Variants in RAB35 observed in about 807,000 individuals in gnomAD.
RAB35 encodes RAB35, member RAS oncogene family, also known as ras-related protein Rab-35.
RAB35 carries 4 observed loss-of-function variants against 28.9 expected under a neutral mutation model. The observed-to-expected ratio is 0.14, with a 90% CI of 0.07 to 0.32. The LOEUF is 0.32. Among genes scored for constraint, RAB35 ranks in the 10% least tolerant of loss-of-function variants. The probability of loss-of-function intolerance (pLI) is 1.00; values close to 1 mark genes in which losing one functional copy is unlikely to be tolerated. For missense variants in RAB35, 128 were observed against 274.0 expected (o/e 0.47, Z 3.76); for synonymous variants, 99 against 105.1 (o/e 0.94, Z 0.35).
chr12:120,113,745 G>T (rs1216399338), intron 1 of RAB35, among the ~76,000 whole-genome samples: 1 of 151,884 alleles, frequency 6.6e-6, no homozygotes, highest in Non-Finnish European at 1.5e-5. Context: ...GTGAACCGGG[G>T]AGGTGGAGCC....
In RAB35 at chr12:120,096,341, CA is replaced by C; in HGVS notation, c.*903del. 9.0e-7 allele frequency: 1 copy of C among 1,108,350 alleles called. No homozygotes were observed. The allele number at this position is 1,108,350 out of a possible 1,614,324, so 68.7% of individuals were successfully genotyped here. On this transcript the variant is annotated 3_prime_UTR_variant, in exon 6 of 6. Coordinates refer to ENST00000229340, the MANE Select transcript of RAB35 (RefSeq NM_006861.7). ...GTGGCCTCAACTTTTGCTGCTGTGC[CA>C]ATCAAACCTCAGGGAAAGAAAATAA...
intron 1 of RAB35, 80 bp downstream of exon 1, chr12:120,116,519 C>G (rs1366924638): frequency 1.1e-6 from 1 of 927,582 alleles, no homozygotes; most frequent in Admixed American, 6.4e-5. Flanking sequence ...CCGGCACCTC[C>G]CCGCCCGCCT....
Position 120,097,308 on chromosome 12 carries a change from C to T in RAB35, c.543G>A (p.Gln181=), listed in dbSNP as rs1875459974. 1.2e-6 allele frequency: 2 copies of T among 1,613,838 alleles called. No homozygotes were observed. The highest frequency in any genetic ancestry group is 1.7e-5 in the Admixed American group (1 of 60,018). ...GCTTCACCACATCGTTCTGTTGTTG[C>T]TGCTGCTGTTTTGCCAGGTTGTCTT... The part of the protein sequence containing the change: ...AKKDNLAKQQ[Q]QQQNDVVKLT... The change falls in exon 6 of 6, where the codon CAG becomes CAA. Residue 181 remains glutamine (Q), a synonymous_variant. Coordinates refer to ENST00000229340, the MANE Select transcript of RAB35 (RefSeq NM_006861.7).
At chr12:120,107,667 G>A (rs1212658472) in intron 2 of RAB35, among the ~76,000 whole-genome samples, 2 of 151,962 alleles carry the variant, frequency 1.3e-5, no homozygotes, top group Non-Finnish European at 2.9e-5. Flanking sequence ...AGACGTTCGA[G>A]ACCAGCCTGA....
intron 3 of RAB35, 104 bp from the exon 4 acceptor site, chr12:120,099,258 G>C: frequency 6.7e-7 from 1 of 1,484,768 alleles, no homozygotes; most frequent in Non-Finnish European, 9.1e-7. Flanking sequence ...AAAGGTGAGG[G>C]TGGCCCTGGA....
At chr12:120,113,252 G>A (rs1876194589) in intron 1 of RAB35, among the ~76,000 whole-genome samples, 1 of 144,508 alleles carries the variant, frequency 6.9e-6, no homozygotes, top group African/African-American at 2.6e-5. Flanking sequence ...TCTCACTATG[G>A]TCTCGAGTTC....
chr12:120,105,839 C>A (rs898960837), intron 2 of RAB35, among the ~76,000 whole-genome samples: 8 of 151,048 alleles, frequency 5.3e-5, no homozygotes, highest in South Asian at 4.2e-4. Flanking sequence ...ATGGCGTGAA[C>A]CCGGGAGGCG....
In RAB35 at chr12:120,099,004, C is replaced by T. The variant is rs537374812; in HGVS notation, c.352+26G>A. Reference sequence around the variant, plus strand: ...CGGCTGCCTCTCTCCCACCCAACCCCGACCCGGCCCTGAGTGCAGCCTCAC... The same window carrying T: ...CGGCTGCCTCTCTCCCACCCAACCCTGACCCGGCCCTGAGTGCAGCCTCAC... On this transcript the variant is annotated intron_variant, in intron 4 of 5. Transcript: ENST00000229340. The T allele has an allele frequency of 2.5e-5, 41 of 1,614,148 alleles. No individual in the cohort carries two copies. The East Asian group carries it at 6.0e-4, about 24-fold the overall frequency.
rs1424981083 is a variant in RAB35 at position 120,096,771 on chromosome 12, G to A, written c.*474C>T. 7.7e-7 allele frequency: 1 copy of A among 1,290,330 alleles called. No homozygotes were observed. The highest frequency in any genetic ancestry group is 1.5e-5 in the African/African-American group (1 of 65,922). The allele number at this position is 1,290,330 out of a possible 1,614,324, so 79.9% of individuals were successfully genotyped here. A position where few individuals can be genotyped will look rare whatever the true frequency, so the allele number is the denominator to read the frequency against. On this transcript the variant is annotated 3_prime_UTR_variant, in exon 6 of 6. Coordinates refer to ENST00000229340, the MANE Select transcript of RAB35 (RefSeq NM_006861.7). ...TGTCGGAGAGAATGAGCAACGCGGA[G>A]CCCACTCCACTGGCACGGGCTGGCC...
chr12:120,099,279 T>C, intron 3 of RAB35, 125 bp from the exon 4 acceptor site: 1 of 1,266,046 alleles, frequency 7.9e-7, no homozygotes, highest in Non-Finnish European at 1.1e-6. Flanking sequence ...GCCTGGGCTC[T>C]CACTCAGCCT....
chr12:120,108,626 C>T, intron 1 of RAB35, 159 bp from the exon 2 acceptor site: 1 of 724,764 alleles, frequency 1.4e-6, no homozygotes, highest in Non-Finnish European at 2.5e-6. Flanking sequence ...TGAGCGGCCA[C>T]ACACCAAGAA....
At position 120,104,011 on chromosome 12, in the gene RAB35, G is replaced by A. The variant is rs565909714; in HGVS notation, c.104-62C>T. 206 of 1,590,882 alleles carry A rather than the reference G, an allele frequency of 1.3e-4. 1 individual carries two copies. The South Asian group carries it at 1.9e-3, about 15-fold the overall frequency. ...TATCTTCCCAGGCCCTGAGCCCCAC[G>A]CTGCACACAACACACCCCCAGGCTC... On this transcript the variant is annotated intron_variant, in intron 2 of 5. Transcript: ENST00000229340.
chr12:120,097,862 T>C (rs916712075), intron 5 of RAB35, among the ~76,000 whole-genome samples: 1 of 151,802 alleles, frequency 6.6e-6, no homozygotes, highest in Admixed American at 6.6e-5. Context: ...GACCAACCCC[T>C]TTCCTTCAGC....
In RAB35 at chr12:120,099,158, C is replaced by T. The variant is rs376246695; in HGVS notation, c.228-4G>A. 6.3e-5 allele frequency: 102 copies of T among 1,614,072 alleles called. No individual in the cohort carries two copies. Among genetic ancestry groups the T allele is most frequent in the Non-Finnish European group, 8.4e-5 (99 of 1,180,034 alleles). ...CCCGTGGGTCCCCCGATAATACCTG[C>T]AGGGCCAGAGTGTGCGGCAGCATGT... is the stretch of plus-strand genomic sequence containing the variant. On this transcript the variant is annotated splice_polypyrimidine_tract_variant and splice_region_variant and intron_variant, in intron 3 of 5. Coordinates refer to ENST00000229340, the MANE Select transcript of RAB35 (RefSeq NM_006861.7).
intron 3 of RAB35, chr12:120,099,499 T>C (rs1054802378): frequency 2.9e-6 from 1 of 340,052 alleles, no homozygotes; most frequent in African/African-American, 2.1e-5. Flanking sequence ...ATCAGGCAGT[T>C]TTTGTATTTG....
intron 2 of RAB35, among the ~76,000 whole-genome samples, chr12:120,106,244 A>G (rs1291215798): frequency 1.3e-5 from 2 of 152,206 alleles, no homozygotes; most frequent in East Asian, 1.9e-4. Context: ...ATTTTTTAGC[A>G]TAATTAGAGG....
chr12:120,108,028 A>C (rs528232983), intron 2 of RAB35, among the ~76,000 whole-genome samples: 25 of 152,264 alleles, frequency 1.6e-4, no homozygotes, highest in Non-Finnish European at 3.2e-4. Context: ...CAGATGAACC[A>C]CAAAGGCCTG....
rs368736364 is a variant in RAB35, at chr12:120,108,383, C to T, written c.103+34G>A. The stretch of plus-strand genomic sequence containing the variant: ...GGGGATGTCAACAAACAAACAAAAA[C>T]GACACCCCAGCAGCACTGCAGGGGA... On this transcript the variant is annotated intron_variant, in intron 2 of 5. Coordinates refer to ENST00000229340, the MANE Select transcript of RAB35 (RefSeq NM_006861.7). 141 of 1,595,804 alleles carry T rather than the reference C, an allele frequency of 8.8e-5. 1 individual carries two copies. The highest frequency in any genetic ancestry group is 6.5e-4 in the South Asian group (59 of 90,548).
intron 2 of RAB35, among the ~76,000 whole-genome samples, chr12:120,107,398 C>T (rs560308572): frequency 8.1e-4 from 124 of 152,316 alleles, no homozygotes; most frequent in African/African-American, 2.9e-3. Context: ...AGAATGAAGA[C>T]AGCTACTAAG....
Sources: allele counts gnomAD v4.1 joint callset (sites outside exome capture counted in the v4.1 genomes callset), GRCh38; gene constraint gnomAD v4.1.1; transcripts MANE v1.5; gene names NCBI Gene and HGNC (gene_info 2026-07-23, HGNC 2026-07-21).